ZNF92: variants seen among roughly 807,000 people sequenced by gnomAD.
ZNF92 encodes the protein epididymis luminal protein 203.
Under a neutral mutation model 12.4 loss-of-function variants are expected in ZNF92, and 11 were observed. That is an observed-to-expected ratio of 0.89 (90% CI 0.56 to 1.47). ZNF92 has a LOEUF of 1.47. ZNF92 is among the 40% of genes most tolerant of loss of function. The pLI is 0.00. For synonymous variants in ZNF92, 206 were observed against 228.6 expected (o/e 0.90, Z 0.89); for missense variants, 622 against 681.0 (o/e 0.91, Z 0.96).
At chr7:65,378,293 CA>C (rs56220414) in intron 1 of ZNF92, among the ~76,000 whole-genome samples, 75,565 of 147,000 alleles carry the variant, frequency 0.51, 19,439 homozygotes, top group Admixed American at 0.56. Flanking sequence ...GACTCTGTCT[CA>C]AAAAAAAAAA....
At chr7:65,381,927 G>C (rs1453428417) in intron 1 of ZNF92, among the ~76,000 whole-genome samples, 1 of 152,054 alleles carries the variant, frequency 6.6e-6, no homozygotes, top group Non-Finnish European at 1.5e-5. Context: ...TGCTGTGGTA[G>C]TGCTCAGAGT....
intron 1 of ZNF92, among the ~76,000 whole-genome samples, chr7:65,380,473 T>A (rs1371068706): frequency 1.3e-5 from 2 of 152,104 alleles, no homozygotes; most frequent in African/African-American, 4.8e-5. Flanking sequence ...AGTTTTGCCA[T>A]GTTTCCCAGG....
Position 65,399,154 on chromosome 7 carries a change from G to A in ZNF92, c.1040G>A (p.Gly347Asp). The A allele has an allele frequency of 6.2e-7, 1 of 1,613,180 alleles. No individual in the cohort carries two copies. The highest frequency in any genetic ancestry group is 1.7e-5 in the Admixed American group (1 of 59,956). ...AAACCATACAAATGTGAAGAATGTG[G>A]CAAAGCCTTTAACCAGTTCTCAAAC... ...GEKPYKCEEC[G>D]KAFNQFSNLT... Residue 347 changes from glycine to aspartate, a missense_variant, in exon 4 of 4, where the codon GGC (glycine) becomes GAC (aspartate). Gly to Asp is a moderately conservative substitution (Grantham distance 94). Transcript: ENST00000328747.
Position 65,399,276 on chromosome 7 carries a change from A to G in ZNF92, c.1162A>G (p.Lys388Glu), listed in dbSNP as rs1793941393. Residue 388 changes from lysine (K) to glutamate (E), a missense_variant, in exon 4 of 4, where the codon AAA (lysine) becomes GAA (glutamate). Physicochemically the swap from Lys to Glu is moderately conservative, Grantham distance 56. Coordinates refer to ENST00000328747, the MANE Select transcript of ZNF92 (RefSeq NM_152626.4). ...CCAGTCCTCAACCCTTACTAAACAT[A>G]AAAGAATTCATACGGGAGAAAAACC... The part of the protein sequence containing the change: ...FNQSSTLTKH[K>E]RIHTGEKPYK... 2 of 1,612,668 alleles carry G rather than the reference A, an allele frequency of 1.2e-6. No homozygotes were observed. Among genetic ancestry groups the G allele is most frequent in the South Asian group, 2.2e-5 (2 of 90,966 alleles).
At chr7:65,392,880 CCT>C (rs1793752812) in intron 3 of ZNF92, among the ~76,000 whole-genome samples, 1 of 151,518 alleles carries the variant, frequency 6.6e-6, no homozygotes, top group Admixed American at 6.6e-5. Context: ...ATGTGGAGAC[CCT>C]CTCTCTACAA....
intron 3 of ZNF92, among the ~76,000 whole-genome samples, chr7:65,394,756 C>T (rs780232247): frequency 6.6e-6 from 1 of 151,916 alleles, no homozygotes; most frequent in Admixed American, 6.6e-5. Flanking sequence ...CAGGTTCAAG[C>T]GATTCTCGTG....
chr7:65,389,424 A>G (rs1562793967), intron 3 of ZNF92, among the ~76,000 whole-genome samples: 1 of 152,126 alleles, frequency 6.6e-6, no homozygotes, highest in African/African-American at 2.4e-5. Flanking sequence ...AGTCCTTTTC[A>G]TGGGAGGAAG....
At chr7:65,381,996 T>A (rs1793432426) in intron 1 of ZNF92, among the ~76,000 whole-genome samples, 1 of 152,072 alleles carries the variant, frequency 6.6e-6, no homozygotes, top group African/African-American at 2.4e-5. Context: ...TTCAACCATT[T>A]CTATAGGAGA....
At chr7:65,389,621 A>T (rs1793659696) in intron 3 of ZNF92, among the ~76,000 whole-genome samples, 1 of 151,896 alleles carries the variant, frequency 6.6e-6, no homozygotes. Context: ...GGTTCGAGCA[A>T]TTCTCCTGCC....
At chr7:65,383,997 G>A (rs558047988) in intron 1 of ZNF92, among the ~76,000 whole-genome samples, 20 of 152,148 alleles carry the variant, frequency 1.3e-4, no homozygotes, top group Non-Finnish European at 2.8e-4. Flanking sequence ...AAAAATGGGG[G>A]CTTCATTTGG....
chr7:65,398,443 A>G lies in ZNF92; in HGVS notation c.329A>G (p.Asn110Ser), dbSNP rs951148886. 41 of 1,613,050 alleles carry G rather than the reference A, an allele frequency of 2.5e-5. No homozygotes were observed. Among genetic ancestry groups the G allele is most frequent in the Non-Finnish European group, 3.5e-5 (41 of 1,179,650 alleles). The change falls in exon 4 of 4, where the codon AAT becomes AGT. Residue 110 changes from asparagine (N) to serine (S), a missense_variant. By Grantham distance (46) the Asn-to-Ser change is conservative (BLOSUM62 1). Transcript: ENST00000328747. ...LRTYGKYGHE[N>S]LQLRKDHKSV... ...ACATATGGAAAATATGGACATGAGA[A>G]TTTACAGCTAAGAAAAGACCATAAA...
chr7:65,386,939 CT>C (rs34718120), intron 1 of ZNF92, among the ~76,000 whole-genome samples: 18,201 of 129,444 alleles, frequency 0.14, 959 homozygotes, highest in East Asian at 0.29. Context: ...TTTCTTTCTT[CT>C]TTTTTTTTTT....
Position 65,398,676 on chromosome 7 carries a change from T to TTAAC in ZNF92, c.564_567dup (p.Gln190AsnfsTer4). On this transcript the variant is annotated frameshift_variant, in exon 4 of 4. Coordinates refer to ENST00000328747, the MANE Select transcript of ZNF92 (RefSeq NM_152626.4). LOFTEE classifies it low-confidence loss of function (END_TRUNC). ...CAAATCATTTTGCATGCTTTCACAA[T>TTAAC]TAACTCAACATAAGAAAATTCATAC... 6.2e-7 allele frequency: 1 copy of TTAAC among 1,611,756 alleles called. No individual in the cohort carries two copies. The highest frequency in any genetic ancestry group is 1.1e-5 in the South Asian group (1 of 90,634).
rs756126330 is a variant in ZNF92 at position 65,373,953 on chromosome 7, T to TG, written c.-43dup. The TG allele has an allele frequency of 2.0e-4, 325 of 1,613,880 alleles. 3 individuals are homozygous for TG. The highest frequency in any genetic ancestry group is 2.7e-4 in the Non-Finnish European group (319 of 1,179,866). On this transcript the variant is annotated 5_prime_UTR_variant, in exon 1 of 4. Transcript: ENST00000328747. ...TGTGACCCTGTTACCTGCAAGAACTTGGAGGTTCACAGCTAAGACGCCAGG... is the reference window on the plus strand; with the variant it reads ...TGTGACCCTGTTACCTGCAAGAACTTGGGAGGTTCACAGCTAAGACGCCAGG...
chr7:65,388,882 G>T lies in ZNF92; in HGVS notation c.207G>T (p.Glu69Asp), dbSNP rs1203255591. 1 of 1,581,942 alleles carries T rather than the reference G, an allele frequency of 6.3e-7. No homozygotes were observed. The highest frequency in any genetic ancestry group is 1.1e-5 in the South Asian group (1 of 90,696). Residue 69 changes from glutamate to aspartate, a missense_variant, in exon 3 of 4, where the codon GAG becomes GAT. Coordinates refer to ENST00000328747, the MANE Select transcript of ZNF92 (RefSeq NM_152626.4). The stretch of plus-strand genomic sequence containing the variant: ...AGCCCTGGAATCTGAAGAGACATGA[G>T]ATGGTAGACAAAACCCCAGGTAGGT... ...GKEPWNLKRH[E>D]MVDKTPVMCS...
chr7:65,383,661 A>G (rs936504944), intron 1 of ZNF92, among the ~76,000 whole-genome samples: 3 of 152,294 alleles, frequency 2.0e-5, no homozygotes, highest in East Asian at 1.9e-4. Flanking sequence ...ATCCAGAGCC[A>G]TGACTACAAC....
intron 1 of ZNF92, among the ~76,000 whole-genome samples, chr7:65,377,418 A>AC (rs1428229709): frequency 6.6e-6 from 1 of 152,094 alleles, no homozygotes; most frequent in Non-Finnish European, 1.5e-5. Flanking sequence ...AAAGCTGGGG[A>AC]CCCACAGGCA....
rs932391756 is a variant in ZNF92, at chr7:65,399,591, T to A, written c.1477T>A (p.Ser493Thr). ...AGAATGTGGCAAAGCCTTTAACCAG[T>A]CCTCAATTTTTACTAAACATAAGAT... Reference protein sequence around the residue: ...CEECGKAFNQSSIFTKHKIIH... With the variant: ...CEECGKAFNQTSIFTKHKIIH... The change falls in exon 4 of 4, where the codon TCC (serine) becomes ACC (threonine). Residue 493 changes from serine to threonine, a missense_variant. Physicochemically the swap from Ser to Thr is moderately conservative, Grantham distance 58 (BLOSUM62 1). Coordinates refer to ENST00000328747, the MANE Select transcript of ZNF92 (RefSeq NM_152626.4). 2 of 1,613,692 alleles carry A rather than the reference T, an allele frequency of 1.2e-6. No individual in the cohort carries two copies. The highest frequency in any genetic ancestry group is 3.3e-5 in the Admixed American group (2 of 59,992).
chr7:65,389,624 C>T (rs1488072154), intron 3 of ZNF92, among the ~76,000 whole-genome samples: 1 of 152,040 alleles, frequency 6.6e-6, no homozygotes, highest in Non-Finnish European at 1.5e-5. Context: ...TCGAGCAATT[C>T]TCCTGCCTCA....
Sources: allele counts gnomAD v4.1 joint callset (sites outside exome capture counted in the v4.1 genomes callset), GRCh38; gene constraint gnomAD v4.1.1; transcripts MANE v1.5; gene names NCBI Gene and HGNC (gene_info 2026-07-23, HGNC 2026-07-21).